Variants in BLTP3B observed in about 807,000 individuals in gnomAD.
The protein encoded by BLTP3B is bridge-like lipid transfer protein family member 3B, also known as UHRF1 (ICBP90) binding protein 1-like.
At chr12:100,037,849 A>G in the BLTP3B span, 2 of 1,149,598 alleles carry the variant, frequency 1.7e-6, no homozygotes, top group Non-Finnish European at 2.4e-6. Context: ...CACTTGGGAT[A>G]GTAAAAATGC....
chr12:100,105,666 G>T, the BLTP3B span, among the ~76,000 whole-genome samples: 1 of 152,012 alleles, frequency 6.6e-6, no homozygotes, highest in African/African-American at 2.4e-5. Context: ...AAAAGCAAAT[G>T]CAACAAAAAT....
At chr12:100,047,410 A>C in the BLTP3B span, 13 of 656,874 alleles carry the variant, frequency 2.0e-5, no homozygotes, top group African/African-American at 2.4e-4. Context: ...AGGTAGGAGA[A>C]TCACTCGAAC....
the BLTP3B span, among the ~76,000 whole-genome samples, chr12:100,106,199 T>C: frequency 6.6e-6 from 1 of 151,892 alleles, no homozygotes; most frequent in African/African-American, 2.4e-5. Context: ...GCAATCCCAC[T>C]ACCGAGTGGG....
At chr12:100,059,809 G>T in the BLTP3B span, 2 of 1,551,290 alleles carry the variant, frequency 1.3e-6, no homozygotes, top group Non-Finnish European at 1.7e-6. Context: ...AAAATAAAAA[G>T]AACAAAATTA....
At chr12:100,132,090 C>T in the BLTP3B span, among the ~76,000 whole-genome samples, 2 of 152,140 alleles carry the variant, frequency 1.3e-5, no homozygotes, top group African/African-American at 4.8e-5. Context: ...CCGTGCCCAG[C>T]CACACCCACT....
At chr12:100,100,248 T>C in the BLTP3B span, among the ~76,000 whole-genome samples, 11 of 151,970 alleles carry the variant, frequency 7.2e-5, no homozygotes, top group Non-Finnish European at 1.6e-4. Context: ...GAGGTTGCAG[T>C]GAGCTGAGAT....
the BLTP3B span, among the ~76,000 whole-genome samples, chr12:100,062,798 C>T: frequency 1.3e-5 from 2 of 151,646 alleles, no homozygotes; most frequent in African/African-American, 2.4e-5. Context: ...CTTGTATCTA[C>T]AAAAAATTTA....
chr12:100,123,094 G>T, the BLTP3B span, among the ~76,000 whole-genome samples: 1 of 152,080 alleles, frequency 6.6e-6, no homozygotes, highest in Admixed American at 6.6e-5. Context: ...TTACATGTTT[G>T]CCTCTCCCCA....
the BLTP3B span, among the ~76,000 whole-genome samples, chr12:100,076,953 G>A: frequency 0.025 from 3,748 of 152,132 alleles, 60 homozygotes; most frequent in Non-Finnish European, 0.037. Context: ...GTGTGGTTGC[G>A]TATATATATG....
At chr12:100,050,229 C>G in the BLTP3B span, 3 of 1,610,414 alleles carry the variant, frequency 1.9e-6, no homozygotes, top group East Asian at 6.7e-5. Context: ...CTGGTGTCAC[C>G]TGGTTCACTT....
the BLTP3B span, among the ~76,000 whole-genome samples, chr12:100,138,789 CTTAA>C: frequency 6.6e-6 from 1 of 152,202 alleles, no homozygotes; most frequent in Non-Finnish European, 1.5e-5. Flanking sequence ...CAGGTCCTGG[CTTAA>C]TTAAATATAC....
chr12:100,107,345 A>G, the BLTP3B span, among the ~76,000 whole-genome samples: 1 of 149,614 alleles, frequency 6.7e-6, no homozygotes, highest in Non-Finnish European at 1.5e-5. Flanking sequence ...AATAATAATA[A>G]TAATAGGAAT....
At chr12:100,099,992 A>T in the BLTP3B span, among the ~76,000 whole-genome samples, 7 of 138,066 alleles carry the variant, frequency 5.1e-5, no homozygotes, top group Non-Finnish European at 7.8e-5. Context: ...ATAAATTATT[A>T]AAAAAAAAAA....
chr12:100,076,265 G>C, the BLTP3B span, among the ~76,000 whole-genome samples: 1 of 151,260 alleles, frequency 6.6e-6, no homozygotes, highest in Non-Finnish European at 1.5e-5. Context: ...TTTTAGTTTA[G>C]TATACCCAGA....
chr12:100,084,925 ATG>A, the BLTP3B span, among the ~76,000 whole-genome samples: 6 of 152,162 alleles, frequency 3.9e-5, no homozygotes, highest in African/African-American at 1.4e-4. Flanking sequence ...TTAAAGCCAT[ATG>A]ACTCGTCACC....
At chr12:100,042,117 A>C in the BLTP3B span, among the ~76,000 whole-genome samples, 1 of 152,226 alleles carries the variant, frequency 6.6e-6, no homozygotes, top group African/African-American at 2.4e-5. Context: ...ATAGATCTAA[A>C]TAGATGGAAA....
At chr12:100,087,036 G>A in the BLTP3B span, among the ~76,000 whole-genome samples, 1 of 151,792 alleles carries the variant, frequency 6.6e-6, no homozygotes, top group Non-Finnish European at 1.5e-5. Flanking sequence ...GCACGCCCCT[G>A]TAGTCCCAGC....
At chr12:100,079,812 G>A in the BLTP3B span, among the ~76,000 whole-genome samples, 1 of 152,190 alleles carries the variant, frequency 6.6e-6, no homozygotes, top group Admixed American at 6.5e-5. Context: ...CATGGGCCAG[G>A]CCCAGGCTCC....
At chr12:100,116,679 G>A in the BLTP3B span, among the ~76,000 whole-genome samples, 1 of 152,148 alleles carries the variant, frequency 6.6e-6, no homozygotes, top group Non-Finnish European at 1.5e-5. Context: ...CCCTAAGACA[G>A]GGACAAGGCA....
Sources: allele counts gnomAD v4.1 joint callset (sites outside exome capture counted in the v4.1 genomes callset), GRCh38; gene constraint gnomAD v4.1.1; transcripts MANE v1.5; gene names NCBI Gene and HGNC (gene_info 2026-07-23, HGNC 2026-07-21).